Variants in SH3BGRL observed in about 807,000 individuals in gnomAD.
SH3BGRL encodes the protein SH3 domain binding glutamate rich protein like, also known as adapter SH3BGRL.
Under a neutral mutation model 9.8 loss-of-function variants are expected in SH3BGRL, and 7 were observed. That is an observed-to-expected ratio of 0.72 (90% confidence interval 0.41 to 1.35). The LOEUF is 1.35. Ranked by LOEUF, SH3BGRL falls within the 40% of genes most tolerant of loss-of-function variation. The probability of loss-of-function intolerance (pLI) is 0.01; values close to 1 mark genes in which losing one functional copy is unlikely to be tolerated. For missense variants in SH3BGRL, 73 were observed against 84.4 expected (o/e 0.86, Z 0.53); for synonymous variants, 36 against 29.1 (o/e 1.24, Z -0.76).
At chrX:81,267,435 A>G (rs878968288) in intron 1 of SH3BGRL, among the ~76,000 whole-genome samples, 1 of 111,734 alleles carries the variant, frequency 8.9e-6, no homozygotes, top group Non-Finnish European at 1.9e-5. Flanking sequence ...GAATCTTGTC[A>G]AAGGCCTTTT....
intron 1 of SH3BGRL, among the ~76,000 whole-genome samples, chrX:81,265,192 G>T (rs991515285): frequency 3.8e-5 from 4 of 105,983 alleles, no homozygotes; most frequent in African/African-American, 1.4e-4. Context: ...AAAGAAAACA[G>T]AGTAGAGTTT....
intron 3 of SH3BGRL, among the ~76,000 whole-genome samples, chrX:81,292,428 G>T (rs1442662636): frequency 1.8e-5 from 2 of 111,401 alleles, no homozygotes; most frequent in African/African-American, 3.3e-5. Context: ...TCCTGAGGCT[G>T]CACAGAGCAG....
chrX:81,269,294 G>C (rs2075768959), intron 1 of SH3BGRL, among the ~76,000 whole-genome samples: 1 of 111,526 alleles, frequency 9.0e-6, no homozygotes, highest in Non-Finnish European at 1.9e-5. Context: ...GTTAATTGAT[G>C]CAGTTTCTTC....
intron 1 of SH3BGRL, among the ~76,000 whole-genome samples, chrX:81,273,411 G>T (rs1420980024): frequency 1.8e-5 from 2 of 112,233 alleles, no homozygotes; most frequent in Non-Finnish European, 3.8e-5. Flanking sequence ...CCAATAGATT[G>T]TAATGTGAGG....
chrX:81,295,527 C>T (rs1264686545), intron 3 of SH3BGRL, among the ~76,000 whole-genome samples: 1 of 111,354 alleles, frequency 9.0e-6, no homozygotes, highest in African/African-American at 3.3e-5. Flanking sequence ...CTTTTTCTCC[C>T]TCGTCTTGGG....
At chrX:81,230,118 A>T (rs778330746) in intron 1 of SH3BGRL, among the ~76,000 whole-genome samples, 1 of 111,841 alleles carries the variant, frequency 8.9e-6, no homozygotes, top group Non-Finnish European at 1.9e-5. Context: ...ACATTATAAT[A>T]CTACTCCCCT....
intron 1 of SH3BGRL, among the ~76,000 whole-genome samples, chrX:81,253,093 G>A (rs1027174375): frequency 1.2e-4 from 14 of 112,076 alleles, no homozygotes; most frequent in Admixed American, 9.4e-5. Context: ...GCAAAAACAT[G>A]TTCATAGAGT....
chrX:81,213,445 A>G (rs773030032), intron 1 of SH3BGRL, among the ~76,000 whole-genome samples: 1 of 112,603 alleles, frequency 8.9e-6, no homozygotes, highest in Admixed American at 9.4e-5. Context: ...TGATAAAAAG[A>G]TAGATGGCAT....
At chrX:81,203,900 C>A (rs1280007621) in intron 1 of SH3BGRL, among the ~76,000 whole-genome samples, 1 of 107,611 alleles carries the variant, frequency 9.3e-6, no homozygotes, top group Admixed American at 1.0e-4. Context: ...ATTTAGATTT[C>A]AACTTTTATT....
At position 81,224,324 on chromosome X, in the gene SH3BGRL, G is replaced by A. The variant is rs372286595; in HGVS notation, c.45+22079G>A. ...GGCGTAAAGGGCCTTAGGGAAATGG[G>A]TTAACCTTTGTTTCATCCCATTCCC... On this transcript the variant is annotated intron_variant, in intron 1 of 3. Transcript: ENST00000373212. Among the ~76,000 whole-genome samples, 55 of 111,275 alleles carry A rather than the reference G, an allele frequency of 4.9e-4. No individual in the cohort carries two copies. In the South Asian group the frequency reaches 0.019, roughly 39 times the overall value.
At chrX:81,224,481 C>A (rs1453790063) in intron 1 of SH3BGRL, among the ~76,000 whole-genome samples, 1 of 111,150 alleles carries the variant, frequency 9.0e-6, no homozygotes, top group African/African-American at 3.3e-5. Context: ...TTTTCATTAG[C>A]AGCCCAAAAT....
At chrX:81,261,241 T>G in intron 1 of SH3BGRL, among the ~76,000 whole-genome samples, 1 of 111,549 alleles carries the variant, frequency 9.0e-6, no homozygotes, top group Non-Finnish European at 1.9e-5. Context: ...TACTTAACCT[T>G]TTTGAATCTC....
Position 81,276,980 on chromosome X carries a change from C to A in SH3BGRL, c.46-4C>A. The A allele has an allele frequency of 8.3e-7, 1 of 1,200,484 alleles. No homozygotes were observed. Among genetic ancestry groups the A allele is most frequent in the South Asian group, 1.8e-5 (1 of 54,918 alleles). The stretch of plus-strand genomic sequence containing the variant: ...AAATACGGTTTCTTGTCCTTTGGTC[C>A]TAGATTAAGAAGAAACAACAAGATG... On this transcript the variant is annotated splice_polypyrimidine_tract_variant and splice_region_variant and intron_variant, in intron 1 of 3. Coordinates refer to ENST00000373212, the MANE Select transcript of SH3BGRL (RefSeq NM_003022.3).
rs188989180 is a variant in SH3BGRL at position 81,241,581 on chromosome X, T to C, written c.46-35403T>C. Reference sequence around the variant, plus strand: ...GGGATTATCAGCTGCAGGAAGGAGCTACCCACTTTTGGTCTCCTGAGTGTT... The same window carrying C: ...GGGATTATCAGCTGCAGGAAGGAGCCACCCACTTTTGGTCTCCTGAGTGTT... On this transcript the variant is annotated intron_variant, in intron 1 of 3. Coordinates refer to ENST00000373212, the MANE Select transcript of SH3BGRL (RefSeq NM_003022.3). 1.0e-3 allele frequency among the ~76,000 whole-genome samples: 115 copies of C among 112,002 alleles called. 1 individual carries two copies. In the East Asian group the frequency reaches 0.03, roughly 29 times the overall value.
intron 1 of SH3BGRL, among the ~76,000 whole-genome samples, chrX:81,269,028 C>G (rs1226870445): frequency 1.8e-5 from 2 of 111,141 alleles, no homozygotes; most frequent in Non-Finnish European, 3.8e-5. Flanking sequence ...TATCAGAGAC[C>G]AGGATTGCAA....
intron 3 of SH3BGRL, among the ~76,000 whole-genome samples, chrX:81,295,590 G>T (rs1304882319): frequency 9.0e-6 from 1 of 111,161 alleles, no homozygotes; most frequent in Non-Finnish European, 1.9e-5. Flanking sequence ...ATTCAAAGCT[G>T]TCCTGGGCAG....
chrX:81,254,096 T>C (rs756353994), intron 1 of SH3BGRL, among the ~76,000 whole-genome samples: 7 of 112,206 alleles, frequency 6.2e-5, no homozygotes, highest in Admixed American at 1.9e-4. Flanking sequence ...GACTCCACCA[T>C]TCTTGACAGT....
chrX:81,291,177 A>G (rs1421102205), intron 3 of SH3BGRL, among the ~76,000 whole-genome samples: 1 of 111,893 alleles, frequency 8.9e-6, no homozygotes, highest in East Asian at 2.8e-4. Flanking sequence ...GCATTTGCAA[A>G]GGTGAGTCTA....
intron 1 of SH3BGRL, among the ~76,000 whole-genome samples, chrX:81,221,945 T>C (rs901377707): frequency 1.8e-5 from 2 of 111,914 alleles, no homozygotes; most frequent in East Asian, 2.8e-4. Flanking sequence ...AGCATATGTA[T>C]AGAAGGGATC....
Sources: gnomAD v4.1 joint callset for allele counts (sites outside exome capture counted in the v4.1 genomes callset) on GRCh38, gnomAD v4.1.1 for gene constraint, MANE v1.5 for transcripts, NCBI Gene and HGNC (gene_info 2026-07-23, HGNC 2026-07-21) for gene names.